DNAH8: variants seen among roughly 807,000 people sequenced by gnomAD.
DNAH8 encodes dynein axonemal heavy chain 8, also known as axonemal beta dynein heavy chain 8.
In DNAH8, 382 loss-of-function variants were observed where a neutral mutation model predicts 562.1. The ratio of observed to expected loss-of-function variants is 0.68; its 90% CI spans 0.63 to 0.74. The LOEUF is 0.74. Among genes scored for constraint, DNAH8 ranks in the 30% least tolerant of loss-of-function variants. DNAH8 has a pLI of 0.00. For synonymous variants in DNAH8, 1,881 were observed against 1,919.4 expected, an observed-to-expected ratio of 0.98 and a Z score of 0.52; for missense variants, 5,203 against 5,620.4, an observed-to-expected ratio of 0.93 and a Z score of 2.37.
intron 12 of DNAH8, among the ~76,000 whole-genome samples, chr6:38,771,755 T>C (rs535077135): frequency 6.7e-6 from 1 of 149,722 alleles, no homozygotes; most frequent in African/African-American, 2.4e-5. Flanking sequence ...TATTCCATTG[T>C]ACGGATAATA....
chr6:38,826,834 C>G (rs1773371648), intron 29 of DNAH8, among the ~76,000 whole-genome samples: 1 of 152,172 alleles, frequency 6.6e-6, no homozygotes, highest in African/African-American at 2.4e-5. Flanking sequence ...CCATAGTAAA[C>G]TGTTGGAACT....
chr6:38,885,915 C>T (rs1778883587), intron 56 of DNAH8, among the ~76,000 whole-genome samples: 1 of 152,182 alleles, frequency 6.6e-6, no homozygotes, highest in African/African-American at 2.4e-5. Flanking sequence ...ATGTGTGCTT[C>T]ATGAGGACAG....
chr6:38,750,395 G>T, intron 8 of DNAH8, 81 bp from the exon 9 acceptor site: 1 of 808,480 alleles, frequency 1.2e-6, no homozygotes, highest in Non-Finnish European at 2.0e-6. Flanking sequence ...TATGATTAGG[G>T]AAGACTGAAT....
intron 82 of DNAH8, among the ~76,000 whole-genome samples, chr6:38,956,560 A>G (rs1762259031): frequency 6.6e-6 from 1 of 152,176 alleles, no homozygotes; most frequent in Admixed American, 6.5e-5. Flanking sequence ...TTTGGAAACT[A>G]TCCCATCTGT....
chr6:38,996,428 A>T (rs988614245), intron 88 of DNAH8, among the ~76,000 whole-genome samples: 2 of 152,114 alleles, frequency 1.3e-5, no homozygotes, highest in Non-Finnish European at 2.9e-5. Flanking sequence ...TGTGACATCC[A>T]CTGGCATGTC....
At chr6:38,921,534 A>C (rs201451455) in intron 71 of DNAH8, 28 bp downstream of exon 71, 2 of 1,604,328 alleles carry the variant, frequency 1.2e-6, no homozygotes, top group African/African-American at 2.7e-5. Flanking sequence ...AAATCCCCAA[A>C]ATGGTGTACT....
chr6:38,825,518 G>A (rs554352849), intron 28 of DNAH8, among the ~76,000 whole-genome samples: 1 of 152,298 alleles, frequency 6.6e-6, no homozygotes, highest in South Asian at 2.1e-4. Context: ...AGGAAGCTGA[G>A]GAAGTTCTTT....
intron 85 of DNAH8, among the ~76,000 whole-genome samples, chr6:38,977,262 G>A (rs1763739693): frequency 6.6e-6 from 1 of 152,152 alleles, no homozygotes; most frequent in South Asian, 2.1e-4. Context: ...ATAGATGCAC[G>A]AGGCAACGCC....
intron 82 of DNAH8, among the ~76,000 whole-genome samples, chr6:38,958,232 C>T (rs1762383574): frequency 6.6e-6 from 1 of 151,590 alleles, no homozygotes; most frequent in Non-Finnish European, 1.5e-5. Context: ...ATATAGATCT[C>T]CTGACCTTGT....
At chr6:38,789,958 T>A in intron 19 of DNAH8, 75 bp downstream of exon 19, 1 of 1,138,670 alleles carries the variant, frequency 8.8e-7, no homozygotes, top group Non-Finnish European at 1.3e-6. Context: ...ACTATGGATT[T>A]TGGAACATCT....
At chr6:39,010,828 TGTATGTA>T (rs1766165196) in intron 89 of DNAH8, among the ~76,000 whole-genome samples, 1 of 42,634 alleles carries the variant, frequency 2.3e-5, no homozygotes, top group Admixed American at 3.4e-4. Flanking sequence ...CACGTATGTA[TGTATGTA>T]TGTATGTATG....
At chr6:38,898,136 T>A in intron 60 of DNAH8, 122 bp from the exon 61 acceptor site, 1 of 894,966 alleles carries the variant, frequency 1.1e-6, no homozygotes, top group Non-Finnish European at 1.6e-6. Flanking sequence ...CCTCTGGAAA[T>A]CCATAACGTT....
At chr6:38,790,155 C>G (rs1027015215) in intron 19 of DNAH8, 134 bp from the exon 20 acceptor site, 3 of 703,152 alleles carry the variant, frequency 4.3e-6, no homozygotes, top group Admixed American at 2.6e-5. Flanking sequence ...AAAAAGTCAT[C>G]TTTATTAGGT....
At chr6:38,887,590 C>T (rs1189884827) in intron 57 of DNAH8, among the ~76,000 whole-genome samples, 1 of 152,036 alleles carries the variant, frequency 6.6e-6, no homozygotes, top group Non-Finnish European at 1.5e-5. Flanking sequence ...GTCTGTAGTC[C>T]TAGCTGCGTG....
At chr6:39,000,060 G>T (rs987133101) in intron 88 of DNAH8, among the ~76,000 whole-genome samples, 2 of 152,112 alleles carry the variant, frequency 1.3e-5, no homozygotes, top group African/African-American at 2.4e-5. Flanking sequence ...AAGAATTGCT[G>T]TCCTTTGTAT....
Position 38,823,484 on chromosome 6 carries a change from A to G in DNAH8, c.3721-78A>G. ...CACACAAGTGTAAATGTGTATGAGC[A>G]AATGCAATTTTCTAATGTAACTATG... On this transcript the variant is annotated intron_variant, in intron 27 of 92. Coordinates refer to ENST00000327475, the MANE Select transcript of DNAH8 (RefSeq NM_001206927.2). 2.6e-6 allele frequency: 3 copies of G among 1,148,312 alleles called. No individual in the cohort carries two copies. In the South Asian group the frequency reaches 4.2e-5, roughly 16 times the overall value. The allele number at this position is 1,148,312 out of a possible 1,614,324, so 71.1% of individuals were successfully genotyped here.
chr6:38,847,316 C>G (rs1775376819), intron 36 of DNAH8, among the ~76,000 whole-genome samples: 1 of 151,652 alleles, frequency 6.6e-6, no homozygotes, highest in South Asian at 2.1e-4. Context: ...TCAAGGATGA[C>G]TCTTTTTTTT....
chr6:38,878,754 C>T (rs1164056983), intron 53 of DNAH8, among the ~76,000 whole-genome samples: 1 of 152,024 alleles, frequency 6.6e-6, no homozygotes, highest in East Asian at 1.9e-4. Flanking sequence ...TATAAACTAC[C>T]AGCCATCATC....
chr6:38,930,741 A>G (rs1463180966), intron 75 of DNAH8, among the ~76,000 whole-genome samples: 2 of 152,200 alleles, frequency 1.3e-5, no homozygotes, highest in Non-Finnish European at 1.5e-5. Flanking sequence ...AAGATCGTAT[A>G]TATTTAAACT....
Sources: gnomAD v4.1 joint callset for allele counts (sites outside exome capture counted in the v4.1 genomes callset) on GRCh38, gnomAD v4.1.1 for gene constraint, MANE v1.5 for transcripts, NCBI Gene and HGNC (gene_info 2026-07-23, HGNC 2026-07-21) for gene names.